Variants in TMPRSS11F observed in about 807,000 individuals in gnomAD.
TMPRSS11F encodes transmembrane serine protease 11F, also known as transmembrane protease serine 11F.
In TMPRSS11F, 47 loss-of-function variants were observed where a neutral mutation model predicts 60.2. That is an observed-to-expected ratio of 0.78 (90% confidence interval 0.62 to 1.00). TMPRSS11F has a LOEUF of 1.00. Among genes scored for constraint, TMPRSS11F ranks in the 50% least tolerant of loss-of-function variants. TMPRSS11F has a pLI of 0.00. For missense variants in TMPRSS11F, 519 were observed against 522.9 expected (o/e 0.99, Z 0.07); for synonymous variants, 166 against 167.3 (o/e 0.99, Z 0.06).
chr4:68,075,482 A>T (rs1332222119), intron 3 of TMPRSS11F, among the ~76,000 whole-genome samples: 1 of 151,534 alleles, frequency 6.6e-6, no homozygotes, highest in Non-Finnish European at 1.5e-5. Context: ...CTACCTTCAA[A>T]GTCTCTCTCT....
At chr4:68,107,590 TA>T (rs1724328966) in intron 1 of TMPRSS11F, among the ~76,000 whole-genome samples, 1 of 152,090 alleles carries the variant, frequency 6.6e-6, no homozygotes, top group Non-Finnish European at 1.5e-5. Flanking sequence ...GTGTGGCCAG[TA>T]GGCAGTGTGC....
chr4:68,108,469 C>G (rs1207993341), intron 1 of TMPRSS11F, among the ~76,000 whole-genome samples: 1 of 152,154 alleles, frequency 6.6e-6, no homozygotes, highest in Non-Finnish European at 1.5e-5. Flanking sequence ...CAAGAATTAA[C>G]TGCTGAATTT....
intron 8 of TMPRSS11F, among the ~76,000 whole-genome samples, chr4:68,060,092 T>A (rs1466491953): frequency 6.6e-6 from 1 of 152,030 alleles, no homozygotes; most frequent in African/African-American, 2.4e-5. Context: ...TGAGTAGCCC[T>A]GAGTTAGCTG....
intron 7 of TMPRSS11F, among the ~76,000 whole-genome samples, chr4:68,067,033 C>T (rs1285447087): frequency 1.3e-5 from 2 of 151,980 alleles, no homozygotes; most frequent in Admixed American, 1.3e-4. Flanking sequence ...TGTGTGATTA[C>T]ATGAAATTAT....
chr4:68,124,481 A>C (rs912994923), intron 1 of TMPRSS11F, among the ~76,000 whole-genome samples: 4 of 152,118 alleles, frequency 2.6e-5, no homozygotes, highest in African/African-American at 9.7e-5. Flanking sequence ...ACAGAGCAAA[A>C]CCCGGGCGAC....
chr4:68,078,691 G>C (rs1455958657), intron 3 of TMPRSS11F, among the ~76,000 whole-genome samples: 1 of 152,180 alleles, frequency 6.6e-6, no homozygotes, highest in Non-Finnish European at 1.5e-5. Flanking sequence ...GTTGCCAAGT[G>C]AAAGTAGAAA....
chr4:68,092,599 A>G (rs1279376068), intron 2 of TMPRSS11F, among the ~76,000 whole-genome samples: 1 of 152,170 alleles, frequency 6.6e-6, no homozygotes, highest in Non-Finnish European at 1.5e-5. Context: ...ATATTTACCA[A>G]GTTCCTAACA....
intron 3 of TMPRSS11F, 111 bp from the exon 4 acceptor site, chr4:68,074,120 A>G (rs1386175685): frequency 9.8e-6 from 6 of 613,602 alleles, no homozygotes; most frequent in Non-Finnish European, 1.6e-5. Flanking sequence ...TGTCTTATCT[A>G]GAGACTTGGG....
intron 8 of TMPRSS11F, chr4:68,062,076 G>T: frequency 2.2e-6 from 1 of 451,674 alleles, no homozygotes; most frequent in Non-Finnish European, 4.4e-6. Context: ...TATGACTTAC[G>T]ATAGGGTTGG....
intron 3 of TMPRSS11F, among the ~76,000 whole-genome samples, chr4:68,084,343 A>T (rs79531376): frequency 0.01 from 1,572 of 152,282 alleles, 23 homozygotes; most frequent in African/African-American, 0.036. Context: ...AATATAAGAC[A>T]ACAATCCTCA....
intron 3 of TMPRSS11F, among the ~76,000 whole-genome samples, chr4:68,084,650 C>A (rs1301087237): frequency 6.6e-6 from 1 of 152,060 alleles, no homozygotes; most frequent in Non-Finnish European, 1.5e-5. Context: ...TACAAGAGGT[C>A]CTTAAGAGAA....
At chr4:68,075,131 C>A (rs1279733427) in intron 3 of TMPRSS11F, among the ~76,000 whole-genome samples, 5 of 152,010 alleles carry the variant, frequency 3.3e-5, no homozygotes, top group African/African-American at 9.7e-5. Flanking sequence ...AAGTCTCCCT[C>A]CCCACAAGAT....
At chr4:68,092,638 ATATAT>A (rs569960998) in intron 2 of TMPRSS11F, among the ~76,000 whole-genome samples, 87 of 152,248 alleles carry the variant, frequency 5.7e-4, no homozygotes, top group African/African-American at 2.0e-3. Context: ...CAACTCTCAC[ATATAT>A]TATCTTATTA....
chr4:68,102,981 G>C, intron 1 of TMPRSS11F, among the ~76,000 whole-genome samples: 1 of 40,488 alleles, frequency 2.5e-5, no homozygotes, highest in South Asian at 1.7e-3. Flanking sequence ...CCAATTTTGA[G>C]TTGTTTTTTT....
At chr4:68,056,944 A>G (rs1723059890) in intron 9 of TMPRSS11F, among the ~76,000 whole-genome samples, 1 of 152,220 alleles carries the variant, frequency 6.6e-6, no homozygotes, top group Non-Finnish European at 1.5e-5. Flanking sequence ...AGGAAAAGAT[A>G]GTCTATTCAA....
chr4:68,092,650 ATTAAATTTAATGAATTCAAGCTATTTC>A (rs2109866442), intron 2 of TMPRSS11F, among the ~76,000 whole-genome samples: 1 of 152,250 alleles, frequency 6.6e-6, no homozygotes, highest in South Asian at 2.1e-4. Flanking sequence ...ATATTATCTT[ATTAAATTTAATGAATTCAAGCTATTTC>A]TCAAGGCACA....
chr4:68,092,144 G>A (rs1723956966), intron 2 of TMPRSS11F, among the ~76,000 whole-genome samples: 1 of 152,012 alleles, frequency 6.6e-6, no homozygotes, highest in Admixed American at 6.6e-5. Context: ...TTTCAATGTT[G>A]AAAACATTTA....
intron 4 of TMPRSS11F, 110 bp from the exon 5 acceptor site, chr4:68,072,596 AC>A: frequency 1.4e-6 from 1 of 715,902 alleles, no homozygotes; most frequent in Non-Finnish European, 2.0e-6. Context: ...ACATGTGCAT[AC>A]CAGATTTTTA....
chr4:68,069,824 A>C (rs1723413194), intron 6 of TMPRSS11F, 145 bp downstream of exon 6: 1 of 523,342 alleles, frequency 1.9e-6, no homozygotes, highest in African/African-American at 2.0e-5. Context: ...AATGCTAAAA[A>C]TAATAAAAAG....
Sources: gnomAD v4.1 joint callset for allele counts (sites outside exome capture counted in the v4.1 genomes callset) on GRCh38, gnomAD v4.1.1 for gene constraint, MANE v1.5 for transcripts, NCBI Gene and HGNC (gene_info 2026-07-23, HGNC 2026-07-21) for gene names.